Variants in ARMC6 observed in about 807,000 individuals in gnomAD.
The protein encoded by ARMC6 is armadillo repeat containing 6.
A neutral mutation model predicts 49.2 loss-of-function variants in ARMC6; 43 were observed. The observed-to-expected ratio is 0.87, with a 90% CI of 0.69 to 1.13. The LOEUF is 1.13. ARMC6 is among the 50% of genes most tolerant of loss of function. ARMC6 has a pLI of 0.00. For missense variants in ARMC6, 627 were observed against 682.0 expected (o/e 0.92, Z 0.90); for synonymous variants, 262 against 289.6 (o/e 0.90, Z 0.97).
chr19:19,034,243 T>C lies in ARMC6; in HGVS notation c.29+5T>C. On this transcript the variant is annotated splice_donor_5th_base_variant and intron_variant, in intron 2 of 8. Transcript: ENST00000535612. ...ACGATGTTGCTCTAGATACAGGTAA[T>C]GGTGTGCAAATAATAACAGAGTGAT... The C allele has an allele frequency of 6.3e-7, 1 of 1,593,918 alleles. No homozygotes were observed. The highest frequency in any genetic ancestry group is 1.7e-4 in the Middle Eastern group (1 of 6,056).
rs2059557485 is a variant in ARMC6 at position 19,057,780 on chromosome 19, G to T, written c.*152G>T. ...CCCTAGGTAAAGGGTCGGGGGAGGG[G>T]GGAGCCTTGTAGGGAGGCCTCTACA... On this transcript the variant is annotated 3_prime_UTR_variant, in exon 9 of 9. Coordinates refer to ENST00000535612, the MANE Select transcript of ARMC6 (RefSeq NM_001199196.2). 2 of 862,342 alleles carry T rather than the reference G, an allele frequency of 2.3e-6. No individual in the cohort carries two copies. Among genetic ancestry groups the T allele is most frequent in the African/African-American group, 3.3e-5 (2 of 60,536 alleles). 53.4% of individuals were successfully genotyped at this position (862,342 alleles called of 1,614,324 possible). A position where few individuals can be genotyped will look rare whatever the true frequency, so the allele number is the denominator to read the frequency against.
intron 2 of ARMC6, among the ~76,000 whole-genome samples, chr19:19,035,619 G>A (rs1400934097): frequency 6.6e-6 from 1 of 152,204 alleles, no homozygotes; most frequent in Admixed American, 6.5e-5. Flanking sequence ...TCAGCTCAGG[G>A]GTGGGTGGAA....
At position 19,058,038 on chromosome 19, in the gene ARMC6, A is replaced by G. The variant is rs2059559600; in HGVS notation, c.*410A>G. The G allele has an allele frequency of 3.1e-6, 1 of 319,006 alleles. No individual in the cohort carries two copies. The highest frequency in any genetic ancestry group is 8.5e-5 in the East Asian group (1 of 11,782). The allele number at this position is 319,006 out of a possible 1,614,324, so 19.8% of individuals were successfully genotyped here. On this transcript the variant is annotated 3_prime_UTR_variant, in exon 9 of 9. Transcript: ENST00000535612. Reference sequence around the variant, plus strand: ...GGCGCCTGCTGCTTACTGCAGTTTCATGCAGGCCTCTGCTCCTTGTCTTTC... The same window carrying G: ...GGCGCCTGCTGCTTACTGCAGTTTCGTGCAGGCCTCTGCTCCTTGTCTTTC...
Position 19,034,163 on chromosome 19 carries a change from G to A in ARMC6, c.-47G>A. The A allele has an allele frequency of 7.0e-7, 1 of 1,438,822 alleles. No individual in the cohort carries two copies. Among genetic ancestry groups the A allele is most frequent in the Non-Finnish European group, 9.6e-7 (1 of 1,039,374 alleles). 89.1% of individuals were successfully genotyped at this position (1,438,822 alleles called of 1,614,324 possible). A position where few individuals can be genotyped will look rare whatever the true frequency, so the allele number is the denominator to read the frequency against. ...GCACTGAGTGCCTGCTGCGTGTCGGGCCCCGTCCTAGGCAGTGGGGACAAG... is the reference window on the plus strand; with the variant it reads ...GCACTGAGTGCCTGCTGCGTGTCGGACCCCGTCCTAGGCAGTGGGGACAAG... On this transcript the variant is annotated 5_prime_UTR_variant, in exon 2 of 9. Transcript: ENST00000535612.
In ARMC6 at chr19:19,040,426, G is replaced by GT. The variant is rs200021873; in HGVS notation, c.30-2277dup. Among the ~76,000 whole-genome samples the GT allele has an allele frequency of 2.3e-4, 35 of 151,984 alleles. No homozygotes were observed. The East Asian group carries it at 3.3e-3, about 14-fold the overall frequency. On this transcript the variant is annotated intron_variant, in intron 2 of 8. Coordinates refer to ENST00000535612, the MANE Select transcript of ARMC6 (RefSeq NM_001199196.2). ...ACAAGGGAGGCAGGTTAAGTGCTAGGTTTTTTTTAAAAAAATTGTTACTAA... is the reference window on the plus strand; with the variant it reads ...ACAAGGGAGGCAGGTTAAGTGCTAGGTTTTTTTTTAAAAAAATTGTTACTAA...
Position 19,054,277 on chromosome 19 carries a change from G to A in ARMC6, c.979G>A (p.Ala327Thr). 3 of 1,608,898 alleles carry A rather than the reference G, an allele frequency of 1.9e-6. No homozygotes were observed. In the South Asian group the frequency reaches 3.3e-5, roughly 18 times the overall value. The change falls in exon 6 of 9, where the codon GCC becomes ACC. Residue 327 changes from alanine (A) to threonine (T), a missense_variant. Physicochemically the swap from Ala to Thr is moderately conservative, Grantham distance 58. Transcript: ENST00000535612. ...GGLSILVSLLADCNDHQMRDQ... is the reference protein window; with the variant it reads ...GGLSILVSLLTDCNDHQMRDQ... Reference sequence around the variant, plus strand: ...CCTGAGCATTCTGGTGTCCCTGCTAGCCGACTGCAATGACCACCAGATGAG... The same window carrying A: ...CCTGAGCATTCTGGTGTCCCTGCTAACCGACTGCAATGACCACCAGATGAG...
At chr19:19,040,933 C>T (rs987621180) in intron 2 of ARMC6, 21 of 213,958 alleles carry the variant, frequency 9.8e-5, no homozygotes, top group Non-Finnish European at 1.7e-4. Context: ...AAGACCCCAG[C>T]GTTACCTGCC....
In ARMC6 at chr19:19,042,813, C is replaced by G. The variant is rs1185622489; in HGVS notation, c.132C>G (p.Ile44Met). Residue 44 changes from isoleucine (I) to methionine (M), a missense_variant, in exon 3 of 9, where the codon ATC becomes ATG. Coordinates refer to ENST00000535612, the MANE Select transcript of ARMC6 (RefSeq NM_001199196.2). ...ETFDAAVREN[I>M]EEFAMGPEEA... is the part of the protein sequence containing the mutation. ...TTGATGCAGCTGTGCGCGAGAACAT[C>G]GAGGAGTTTGCGATGGGGCCAGAGG... The G allele has an allele frequency of 6.2e-7, 1 of 1,614,044 alleles. No individual in the cohort carries two copies. The highest frequency in any genetic ancestry group is 1.7e-5 in the Admixed American group (1 of 60,024).
In ARMC6 at chr19:19,055,440, G is replaced by A. The variant is rs934437839; in HGVS notation, c.1155+44G>A. 6.5e-7 allele frequency: 1 copy of A among 1,548,582 alleles called. No homozygotes were observed. The highest frequency in any genetic ancestry group is 1.4e-5 in the African/African-American group (1 of 72,740). On this transcript the variant is annotated intron_variant, in intron 7 of 8. Coordinates refer to ENST00000535612, the MANE Select transcript of ARMC6 (RefSeq NM_001199196.2). The surrounding 1 kb of genome is among the most constrained non-coding windows in gnomAD (Gnocchi z 5.7). ...ACACACAGTAGCAGGGTGGTGGCTG[G>A]AGTCCCAGTTCAGTTTCTGTATCTG...
intron 4 of ARMC6, among the ~76,000 whole-genome samples, 195 bp from the exon 5 acceptor site, chr19:19,051,427 C>T (rs534303656): frequency 1.4e-5 from 2 of 145,500 alleles, no homozygotes; most frequent in African/African-American, 5.2e-5. Context: ...CAGTCTTCCA[C>T]GCTATGGCCT....
At chr19:19,037,764 G>A (rs2059382468) in intron 2 of ARMC6, 1 of 946,998 alleles carries the variant, frequency 1.1e-6, no homozygotes, top group Non-Finnish European at 1.3e-6. Flanking sequence ...TTAGGCTCTG[G>A]ACCTAAGGCC....
Position 19,044,123 on chromosome 19 carries a change from G to A in ARMC6, c.279+49G>A, listed in dbSNP as rs1267111421. Reference sequence around the variant, plus strand: ...CAGGTCCTGCGTCACCTCTGTCTGGGGGCACCTCTTCCCTGTTTCCTGGAT... The same window carrying A: ...CAGGTCCTGCGTCACCTCTGTCTGGAGGCACCTCTTCCCTGTTTCCTGGAT... On this transcript the variant is annotated intron_variant, in intron 4 of 8. Coordinates refer to ENST00000535612, the MANE Select transcript of ARMC6 (RefSeq NM_001199196.2). 2.6e-6 allele frequency: 4 copies of A among 1,547,216 alleles called. No homozygotes were observed. In the African/African-American group the frequency reaches 4.1e-5, roughly 16 times the overall value.
At position 19,055,514 on chromosome 19, in the gene ARMC6, G is replaced by A. The variant is rs3746260; in HGVS notation, c.1155+118G>A. The A allele has an allele frequency of 4.1e-3, 5,690 of 1,402,492 alleles. 38 individuals are homozygous for A. The highest frequency in any genetic ancestry group is 0.026 in the Admixed American group (972 of 37,594). 86.9% of individuals were successfully genotyped at this position (1,402,492 alleles called of 1,614,324 possible). A position where few individuals can be genotyped will look rare whatever the true frequency, so the allele number is the denominator to read the frequency against. ...GGCCAGGGCAGGGCTGGTGAGGGTC[G>A]TGGGCATTGGCTCTCAAATGCTGAC... On this transcript the variant is annotated intron_variant, in intron 7 of 8. Transcript: ENST00000535612. This position sits in a 1 kb window ranked among gnomAD's most constrained non-coding sequence, Gnocchi z 5.7.
intron 2 of ARMC6, 43 bp downstream of exon 2, chr19:19,034,281 C>T (rs775899884): frequency 5.7e-6 from 9 of 1,582,836 alleles, no homozygotes; most frequent in Middle Eastern, 1.7e-4. Flanking sequence ...GACGGGAAAG[C>T]AGGGCTGCTC....
intron 3 of ARMC6, among the ~76,000 whole-genome samples, chr19:19,043,168 T>C (rs533936996): frequency 1.3e-5 from 2 of 152,346 alleles, no homozygotes; most frequent in African/African-American, 4.8e-5. Flanking sequence ...ACAGGGCCCC[T>C]GCCTCCCTGC....
intron 2 of ARMC6, among the ~76,000 whole-genome samples, chr19:19,041,514 A>G (rs1470088881): frequency 1.3e-5 from 2 of 151,914 alleles, no homozygotes; most frequent in Admixed American, 1.3e-4. Context: ...ATGCCCGGTT[A>G]ATTTTTGTAT....
At position 19,055,892 on chromosome 19, in the gene ARMC6, G is replaced by T. The variant is rs2059540333; in HGVS notation, c.1257G>T (p.Gln419His). Residue 419 changes from glutamine to histidine, a missense_variant, in exon 8 of 9, where the codon CAG becomes CAT. By Grantham distance (24) the Gln-to-His change is conservative. Transcript: ENST00000535612. This position sits in a 1 kb window ranked among gnomAD's most constrained non-coding sequence, Gnocchi z 5.7. ...GTGGCGGGGCTGTGGCAGCACTGCA[G>T]GCCATGAAGGCACACCCGCAGAAGG... ...VEGGGAVAAL[Q>H]AMKAHPQKAG... 1.9e-6 allele frequency: 3 copies of T among 1,612,434 alleles called. No homozygotes were observed. Among genetic ancestry groups the T allele is most frequent in the Non-Finnish European group, 1.7e-6 (2 of 1,179,570 alleles).
intron 8 of ARMC6, among the ~76,000 whole-genome samples, chr19:19,056,617 C>T (rs772670774): frequency 3.3e-5 from 5 of 152,158 alleles, no homozygotes; most frequent in Non-Finnish European, 5.9e-5. Flanking sequence ...GTTGGGGAAG[C>T]GTGGATGGGG....
At chr19:19,049,444 A>C (rs2059478705) in intron 4 of ARMC6, among the ~76,000 whole-genome samples, 1 of 152,138 alleles carries the variant, frequency 6.6e-6, no homozygotes, top group South Asian at 2.1e-4. Context: ...GTGCATCCTC[A>C]AAGGCATTTC....
Sources: gnomAD v4.1 joint callset for allele counts (sites outside exome capture counted in the v4.1 genomes callset) on GRCh38, gnomAD v4.1.1 for gene constraint, Gnocchi (gnomAD v3.1) non-coding constraint, MANE v1.5 for transcripts, NCBI Gene and HGNC (gene_info 2026-07-23, HGNC 2026-07-21) for gene names.